The following FSD2 variants were observed in gnomAD, a reference collection of about 807,000 sequenced individuals.
FSD2 encodes the protein fibronectin type III and SPRY domain containing 2.
A neutral mutation model predicts 80.4 loss-of-function variants in FSD2; 71 were observed. That is an observed-to-expected ratio of 0.88 (90% CI 0.73 to 1.08). FSD2 has a LOEUF of 1.08. Among genes scored for constraint, FSD2 ranks in the 50% least tolerant of loss-of-function variants. The probability of loss-of-function intolerance (pLI) is 0.00; values close to 1 mark genes in which losing one functional copy is unlikely to be tolerated. For missense variants in FSD2, 923 were observed against 913.8 expected, an observed-to-expected ratio of 1.01 and a Z score of -0.13; for synonymous variants, 361 against 329.5, an observed-to-expected ratio of 1.10 and a Z score of -1.03.
At position 82,787,187 on chromosome 15, in the gene FSD2, T is replaced by C. The variant is rs534013292; in HGVS notation, c.204A>G (p.Gln68=). 6.0e-5 allele frequency: 97 copies of C among 1,614,020 alleles called. No individual in the cohort carries two copies. Among genetic ancestry groups the C allele is most frequent in the Admixed American group, 3.3e-4 (20 of 60,026 alleles). Residue 68 remains glutamine, a synonymous_variant, in exon 2 of 13, where the codon CAA becomes CAG. Transcript: ENST00000334574. ...AGDGKAQRDL[Q]EEVDELVHLY... ...AGTGGACAAGTTCATCCACTTCCTCTTGAAGGTCTCTTTGAGCCTTACCAT... is the reference window on the plus strand; with the variant it reads ...AGTGGACAAGTTCATCCACTTCCTCCTGAAGGTCTCTTTGAGCCTTACCAT...
chr15:82,769,972 C>T (rs1386960349), intron 7 of FSD2, 88 bp from the exon 8 acceptor site: 1 of 1,501,300 alleles, frequency 6.7e-7, no homozygotes. Context: ...TAGTAGATTA[C>T]AAAACTGGCT....
At chr15:82,797,654 C>T (rs920949804) in intron 1 of FSD2, among the ~76,000 whole-genome samples, 5 of 151,818 alleles carry the variant, frequency 3.3e-5, no homozygotes, top group Non-Finnish European at 7.4e-5. Flanking sequence ...ACTAAAAATA[C>T]AAAAAATTAG....
intron 1 of FSD2, among the ~76,000 whole-genome samples, chr15:82,801,965 G>A (rs1331914498): frequency 6.6e-6 from 1 of 152,148 alleles, no homozygotes; most frequent in African/African-American, 2.4e-5. Context: ...CAAAGCCAGT[G>A]GTTTCCAGGC....
At chr15:82,780,767 A>G (rs1331975459) in intron 4 of FSD2, among the ~76,000 whole-genome samples, 1 of 151,900 alleles carries the variant, frequency 6.6e-6, no homozygotes, top group Non-Finnish European at 1.5e-5. Context: ...TATATATAAT[A>G]ACATAAACAT....
At chr15:82,777,282 GA>G (rs1053056794) in intron 6 of FSD2, among the ~76,000 whole-genome samples, 54 of 152,036 alleles carry the variant, frequency 3.6e-4, no homozygotes, top group African/African-American at 1.2e-3. Context: ...ACAGAGTGAA[GA>G]AACAACCTGC....
intron 1 of FSD2, among the ~76,000 whole-genome samples, chr15:82,790,250 G>A (rs2050108239): frequency 6.6e-6 from 1 of 152,184 alleles, no homozygotes. Flanking sequence ...GGAGTTGGCT[G>A]GAGGATTCTC....
chr15:82,797,904 C>T (rs1379822101), intron 1 of FSD2, among the ~76,000 whole-genome samples: 1 of 152,044 alleles, frequency 6.6e-6, no homozygotes, highest in Non-Finnish European at 1.5e-5. Context: ...TTGGTAACTT[C>T]ATCCAAAAGA....
At chr15:82,790,192 A>G (rs12912287) in intron 1 of FSD2, among the ~76,000 whole-genome samples, 2 of 46,538 alleles carry the variant, frequency 4.3e-5, no homozygotes, top group East Asian at 6.8e-4. Context: ...CAACAACGAC[A>G]ACAACAACAA....
At chr15:82,760,735 G>A (rs1313823730) in intron 12 of FSD2, among the ~76,000 whole-genome samples, 1 of 64,648 alleles carries the variant, frequency 1.5e-5, no homozygotes, top group African/African-American at 7.9e-5. Context: ...GTGTGTGCGT[G>A]CACGCACACA....
chr15:82,755,897 G>A lies in FSD2; in HGVS notation c.*3451C>T. 1 of 473,364 alleles carries A rather than the reference G, an allele frequency of 2.1e-6. No homozygotes were observed. The highest frequency in any genetic ancestry group is 3.5e-4 in the Middle Eastern group (1 of 2,820). The allele number at this position is 473,364 out of a possible 1,614,324, so 29.3% of individuals were successfully genotyped here. On this transcript the variant is annotated 3_prime_UTR_variant, in exon 13 of 13. Transcript: ENST00000334574. ...TACATGATCTTTATTTGAGTATCTT[G>A]ACTTGTTAAAGGACAGTGTTTTAAA...
At chr15:82,801,212 C>T (rs2050405533) in intron 1 of FSD2, among the ~76,000 whole-genome samples, 1 of 152,136 alleles carries the variant, frequency 6.6e-6, no homozygotes, top group South Asian at 2.1e-4. Context: ...CATTTTGATC[C>T]AAGAATAGGA....
At chr15:82,796,318 C>G (rs966364633) in intron 1 of FSD2, 1 of 153,818 alleles carries the variant, frequency 6.5e-6, no homozygotes, top group Non-Finnish European at 1.5e-5. Context: ...TGATTTCAAC[C>G]CACATCATGG....
intron 3 of FSD2, among the ~76,000 whole-genome samples, chr15:82,786,066 T>C (rs1229330396): frequency 1.3e-5 from 2 of 152,082 alleles, no homozygotes; most frequent in South Asian, 4.2e-4. Context: ...GAAAACAGTA[T>C]ACATTAAAAA....
chr15:82,755,874 C>T lies in FSD2; in HGVS notation c.*3474G>A, dbSNP rs1014310035. Reference sequence around the variant, plus strand: ...TAATCTCCTATAGCTTGAAGTTATACATGATCTTTATTTGAGTATCTTGAC... The same window carrying T: ...TAATCTCCTATAGCTTGAAGTTATATATGATCTTTATTTGAGTATCTTGAC... On this transcript the variant is annotated 3_prime_UTR_variant, in exon 13 of 13. Coordinates refer to ENST00000334574, the MANE Select transcript of FSD2 (RefSeq NM_001007122.4). 3 of 436,468 alleles carry T rather than the reference C, an allele frequency of 6.9e-6. No individual in the cohort carries two copies. The highest frequency in any genetic ancestry group is 2.0e-5 in the African/African-American group (1 of 49,696). The allele number at this position is 436,468 out of a possible 1,614,324, so 27.0% of individuals were successfully genotyped here. A position where few individuals can be genotyped will look rare whatever the true frequency, so the allele number is the denominator to read the frequency against.
At chr15:82,805,109 C>T (rs192491580) in intron 1 of FSD2, among the ~76,000 whole-genome samples, 9 of 151,158 alleles carry the variant, frequency 6.0e-5, no homozygotes, top group African/African-American at 2.2e-4. Flanking sequence ...GAGGTGTATC[C>T]CTGTGCATTA....
Position 82,787,396 on chromosome 15 carries a change from C to T in FSD2, c.-6G>A, listed in dbSNP as rs1429292591. 6.3e-7 allele frequency: 1 copy of T among 1,590,618 alleles called. No homozygotes were observed. Among genetic ancestry groups the T allele is most frequent in the African/African-American group, 1.3e-5 (1 of 74,266 alleles). On this transcript the variant is annotated 5_prime_UTR_variant, in exon 2 of 13. Coordinates refer to ENST00000334574, the MANE Select transcript of FSD2 (RefSeq NM_001007122.4). ...TCCCCCGATTCCTCCTCCATTGTAA[C>T]TCTGGAAGTCCTCAGAAGCACCTTT...
At chr15:82,795,884 T>C (rs918433596) in intron 1 of FSD2, among the ~76,000 whole-genome samples, 4 of 151,646 alleles carry the variant, frequency 2.6e-5, no homozygotes, top group African/African-American at 9.7e-5. Flanking sequence ...AGAGTAATTA[T>C]GAAGAGGACA....
rs1160008635 is a variant in FSD2 at position 82,783,026 on chromosome 15, C to T, written c.736-1G>A. ...TTTGTTCTTGTTTTCCAAAATTCTC[C>T]TGCAAGACAGTTGATCTCAGTCATC... is the stretch of plus-strand genomic sequence containing the variant. On this transcript the variant is annotated splice_acceptor_variant, in intron 3 of 12. Transcript: ENST00000334574. LOFTEE classifies it high-confidence loss of function. 4 of 1,602,028 alleles carry T rather than the reference C, an allele frequency of 2.5e-6. No homozygotes were observed. The East Asian group carries it at 8.9e-5, about 36-fold the overall frequency.
intron 1 of FSD2, among the ~76,000 whole-genome samples, chr15:82,791,402 C>T (rs1314706502): frequency 6.8e-6 from 1 of 147,634 alleles, no homozygotes; most frequent in Non-Finnish European, 1.5e-5. Flanking sequence ...ACATGGTCTC[C>T]CTCTGTCACC....
Sources: allele counts gnomAD v4.1 joint callset (sites outside exome capture counted in the v4.1 genomes callset), GRCh38; gene constraint gnomAD v4.1.1; transcripts MANE v1.5; gene names NCBI Gene and HGNC (gene_info 2026-07-23, HGNC 2026-07-21).